The following AGTPBP1 variants were observed in gnomAD, a reference collection of about 807,000 sequenced individuals.
AGTPBP1 encodes cytosolic carboxypeptidase 1.
In AGTPBP1, 70 loss-of-function variants were observed where a neutral mutation model predicts 143.9. The ratio of observed to expected loss-of-function variants is 0.49; its 90% CI spans 0.40 to 0.59. The LOEUF (loss-of-function observed/expected upper bound fraction) is 0.59, where lower values mean the gene tolerates loss of function less well. Among genes scored for constraint, AGTPBP1 ranks in the 20% least tolerant of loss-of-function variants. The probability of loss-of-function intolerance (pLI) is 0.00; values close to 1 mark genes in which losing one functional copy is unlikely to be tolerated. For synonymous variants in AGTPBP1, 463 were observed against 500.2 expected (o/e 0.93, Z 0.99); for missense variants, 1,229 against 1,464.5 (o/e 0.84, Z 2.62).
chr9:85,722,096 C>A (rs1838166921), intron 1 of AGTPBP1, among the ~76,000 whole-genome samples: 1 of 152,112 alleles, frequency 6.6e-6, no homozygotes, highest in South Asian at 2.1e-4. Context: ...TCTGGCTGCC[C>A]TTAATATTTT....
the AGTPBP1 span, among the ~76,000 whole-genome samples, chr9:85,764,482 G>T: frequency 6.6e-6 from 1 of 152,026 alleles, no homozygotes; most frequent in Non-Finnish European, 1.5e-5. Context: ...GTGAGCTGAG[G>T]TTGCACCATT....
chr9:85,618,065 C>A (rs1418185521), intron 17 of AGTPBP1, among the ~76,000 whole-genome samples: 1 of 152,014 alleles, frequency 6.6e-6, no homozygotes, highest in African/African-American at 2.4e-5. Flanking sequence ...CATGGTGAAA[C>A]CCCATCTCTA....
At chr9:85,601,258 C>G (rs879447565) in intron 17 of AGTPBP1, among the ~76,000 whole-genome samples, 7 of 152,300 alleles carry the variant, frequency 4.6e-5, no homozygotes, top group Admixed American at 4.6e-4. Context: ...ACCAGCACTG[C>G]TGCTGCCCTC....
intron 2 of AGTPBP1, among the ~76,000 whole-genome samples, chr9:85,700,537 A>G (rs148597891): frequency 5.3e-4 from 81 of 152,322 alleles, no homozygotes; most frequent in African/African-American, 1.8e-3. Context: ...GGTGCCCAAA[A>G]GGAGAACTAA....
chr9:85,799,595 C>T, the AGTPBP1 span, among the ~76,000 whole-genome samples: 1 of 152,188 alleles, frequency 6.6e-6, no homozygotes, highest in Non-Finnish European at 1.5e-5. Flanking sequence ...CAGTTCACTG[C>T]AGCCCCAAAC....
In AGTPBP1 at chr9:85,592,577, T is replaced by C. The variant is rs1829040991; in HGVS notation, c.2551A>G (p.Thr851Ala). Residue 851 changes from threonine to alanine, a missense_variant, in exon 19 of 26, where the codon ACG (threonine) becomes GCG (alanine). This residue lies in a region of AGTPBP1 where 486 missense variants were observed against 652.3 expected (regional missense o/e 0.75). Transcript: ENST00000357081. The part of the protein sequence containing the change: ...VCYFAYHYPY[T>A]YSTLQMHLQK... ...GTTCTTACCTGTAAAGTTGAATACG[T>C]ATATGGATAGTGATAAGCAAAGTAG... is the stretch of plus-strand genomic sequence containing the variant. 2 of 1,608,062 alleles carry C rather than the reference T, an allele frequency of 1.2e-6. No homozygotes were observed. Among genetic ancestry groups the C allele is most frequent in the Non-Finnish European group, 1.7e-6 (2 of 1,177,404 alleles).
chr9:85,571,185 C>T (rs1827436721), intron 25 of AGTPBP1, among the ~76,000 whole-genome samples: 1 of 152,096 alleles, frequency 6.6e-6, no homozygotes, highest in South Asian at 2.1e-4. Flanking sequence ...GCAGTAACAT[C>T]ACAAAAGCAA....
chr9:85,684,703 G>A (rs1835384664), intron 3 of AGTPBP1, among the ~76,000 whole-genome samples: 1 of 152,018 alleles, frequency 6.6e-6, no homozygotes. Context: ...CAATCAAAAA[G>A]AACTTTAAAC....
intron 3 of AGTPBP1, among the ~76,000 whole-genome samples, chr9:85,691,689 G>A (rs564403394): frequency 2.5e-4 from 38 of 152,020 alleles, no homozygotes; most frequent in African/African-American, 5.5e-4. Flanking sequence ...GGTATCTTGC[G>A]TTCCTGAAAT....
intron 1 of AGTPBP1, chr9:85,741,170 AACGC>A: frequency 2.2e-5 from 21 of 974,818 alleles, no homozygotes; most frequent in Non-Finnish European, 2.4e-5. Context: ...GTTCAAACCA[AACGC>A]TCAAGGCGAC....
chr9:85,740,091 T>G (rs1050238931), intron 1 of AGTPBP1, among the ~76,000 whole-genome samples: 1 of 152,200 alleles, frequency 6.6e-6, no homozygotes, highest in African/African-American at 2.4e-5. Flanking sequence ...AAAACCATTA[T>G]TATATAGCAG....
intron 11 of AGTPBP1, among the ~76,000 whole-genome samples, chr9:85,654,574 G>A (rs1163969549): frequency 1.3e-5 from 2 of 152,064 alleles, no homozygotes; most frequent in Non-Finnish European, 2.9e-5. Flanking sequence ...CGGGTGTGGT[G>A]GCTCACACCT....
intron 22 of AGTPBP1, among the ~76,000 whole-genome samples, chr9:85,586,020 C>A (rs1431120917): frequency 1.3e-5 from 2 of 152,102 alleles, no homozygotes; most frequent in African/African-American, 4.8e-5. Context: ...CGACGCCAGC[C>A]TGACCAACAT....
chr9:85,769,520 C>CAAAAAAAAA, the AGTPBP1 span, among the ~76,000 whole-genome samples: 8 of 60,850 alleles, frequency 1.3e-4, no homozygotes, highest in Admixed American at 1.9e-4. Context: ...ACCCTGTGTC[C>CAAAAAAAAA]AAAAAAAAAA....
rs558622248 is a variant in AGTPBP1, at chr9:85,670,313, T to C, written c.569-735A>G. Among the ~76,000 whole-genome samples, 33 of 152,184 alleles carry C rather than the reference T, an allele frequency of 2.2e-4. 1 individual carries two copies. The highest frequency in any genetic ancestry group is 3.4e-3 in the Middle Eastern group (1 of 294). ...TAGAAGTTGTTAATTCTTTTGACTA[T>C]GGGGAATCACGCAAAAGGAACATAT... On this transcript the variant is annotated intron_variant, in intron 7 of 25. Transcript: ENST00000357081.
At chr9:85,744,928 G>C (rs542579261), upstream of AGTPBP1, among the ~76,000 whole-genome samples, 1 of 152,146 alleles carries the variant, frequency 6.6e-6, no homozygotes, top group East Asian at 1.9e-4. Context: ...ATTTCTATTG[G>C]TCACTCTTTC....
intron 11 of AGTPBP1, among the ~76,000 whole-genome samples, chr9:85,649,220 AT>A (rs1832998179): frequency 6.6e-6 from 1 of 152,220 alleles, no homozygotes; most frequent in South Asian, 2.1e-4. Context: ...AGTTAGATAA[AT>A]TATACTACAA....
intron 1 of AGTPBP1, among the ~76,000 whole-genome samples, chr9:85,734,114 G>A (rs1319899361): frequency 2.6e-5 from 4 of 152,068 alleles, no homozygotes; most frequent in African/African-American, 4.8e-5. Flanking sequence ...TTAGCTGGGC[G>A]TGGTGGCGCG....
Position 85,619,275 on chromosome 9 carries a change from A to G in AGTPBP1, c.2126T>C (p.Ile709Thr), listed in dbSNP as rs750622578. The stretch of plus-strand genomic sequence containing the variant: ...CTCAAATTTGGAGTTAAATTTCAAA[A>G]TATCTCCCTCTTCTGGAATGGTGTA... Reference protein sequence around the residue: ...PNYTIPEEGDILKFNSKFESG... With the variant: ...PNYTIPEEGDTLKFNSKFESG... Residue 709 changes from isoleucine to threonine, a missense_variant, in exon 16 of 26, where the codon ATT (isoleucine) becomes ACT (threonine). Ile to Thr is a moderately conservative substitution (Grantham distance 89). This residue lies in a region of AGTPBP1 where 486 missense variants were observed against 652.3 expected (regional missense o/e 0.75). Transcript: ENST00000357081. 2.2e-5 allele frequency: 36 copies of G among 1,612,686 alleles called. No individual in the cohort carries two copies. The South Asian group carries it at 3.2e-4, about 14-fold the overall frequency.
Sources: gnomAD v4.1 joint callset for allele counts (sites outside exome capture counted in the v4.1 genomes callset) on GRCh38, gnomAD v4.1.1 for gene constraint, gnomAD v4.1.1 regional missense constraint, MANE v1.5 for transcripts, NCBI Gene and HGNC (gene_info 2026-07-23, HGNC 2026-07-21) for gene names.